Variants in RNF157 observed in about 807,000 individuals in gnomAD.
The protein encoded by RNF157 is ring finger protein 157.
A neutral mutation model predicts 88.3 loss-of-function variants in RNF157; 55 were observed. The observed-to-expected ratio is 0.62, with a 90% CI of 0.50 to 0.78. The LOEUF (loss-of-function observed/expected upper bound fraction) is 0.78, where lower values mean the gene tolerates loss of function less well. Ranked by LOEUF, RNF157 falls within the 30% of genes least tolerant of loss-of-function variation. The pLI, the probability that RNF157 is intolerant of heterozygous loss-of-function variation, is 0.00. For synonymous variants in RNF157, 334 were observed against 341.2 expected (o/e 0.98, Z 0.23); for missense variants, 788 against 860.8 (o/e 0.92, Z 1.06).
intron 2 of RNF157, among the ~76,000 whole-genome samples, chr17:76,203,861 G>A (rs1269147355): frequency 4.7e-5 from 7 of 148,122 alleles, no homozygotes; most frequent in Admixed American, 4.1e-4. Context: ...TCCGCCACCC[G>A]GGTTCACGCC....
Position 76,161,897 on chromosome 17 carries a change from T to C in RNF157, c.898A>G (p.Thr300Ala), listed in dbSNP as rs1258450465. Residue 300 changes from threonine (T) to alanine (A), a missense_variant, in exon 10 of 19, where the codon ACC becomes GCC. Physicochemically the swap from Thr to Ala is moderately conservative, Grantham distance 58. Transcript: ENST00000269391. This position sits in a 1 kb window ranked among gnomAD's most constrained non-coding sequence, Gnocchi z 4.6. ...LPCRHLCLCN[T>A]CADTLRYQAN... Reference sequence around the variant, plus strand: ...TGGTAGCGCAGCGTGTCTGCACAGGTGTTACAGAGGCAGAGGTGGCGACAG... The same window carrying C: ...TGGTAGCGCAGCGTGTCTGCACAGGCGTTACAGAGGCAGAGGTGGCGACAG... 3.7e-6 allele frequency: 6 copies of C among 1,614,074 alleles called. No homozygotes were observed. In the African/African-American group the frequency reaches 6.7e-5, roughly 18 times the overall value.
chr17:76,163,961 A>G (rs2068883875), intron 8 of RNF157: 1 of 152,252 alleles, frequency 6.6e-6, no homozygotes. Context: ...TCATTAAAAG[A>G]GAGGCGAGTA....
Position 76,177,101 on chromosome 17 carries a change from T to C in RNF157, c.208-3311A>G, listed in dbSNP as rs376301198. Among the ~76,000 whole-genome samples the C allele has an allele frequency of 3.3e-5, 5 of 152,156 alleles. No individual in the cohort carries two copies. The East Asian group carries it at 5.8e-4, about 18-fold the overall frequency. ...GCACCGGGGGAACAGGCAGAGCTCA[T>C]GGCGATGTCACCCTGCCCTGGACAC... On this transcript the variant is annotated intron_variant, in intron 2 of 18. Coordinates refer to ENST00000269391, the MANE Select transcript of RNF157 (RefSeq NM_052916.3).
At chr17:76,212,541 T>TA (rs35372072) in intron 1 of RNF157, 59 bp from the exon 2 acceptor site, 271,317 of 847,644 alleles carry the variant, frequency 0.32, 13,317 homozygotes, top group East Asian at 0.43. Context: ...CTAAATCTAG[T>TA]AAAAAAAAAA....
intron 18 of RNF157, chr17:76,145,627 C>A (rs778052954): frequency 7.8e-6 from 3 of 384,682 alleles, no homozygotes; most frequent in Admixed American, 4.6e-5. Flanking sequence ...CCTTGTTTTG[C>A]GAACTTACCC....
At chr17:76,163,831 A>G (rs1005086010) in intron 8 of RNF157, 4 of 152,234 alleles carry the variant, frequency 2.6e-5, no homozygotes, top group African/African-American at 9.6e-5. Flanking sequence ...TGGCCTGCCC[A>G]GGTAGTGCCC....
At chr17:76,215,720 C>T (rs945672956) in intron 1 of RNF157, among the ~76,000 whole-genome samples, 1 of 152,056 alleles carries the variant, frequency 6.6e-6, no homozygotes, top group Non-Finnish European at 1.5e-5. Flanking sequence ...AATCACTCAC[C>T]ACAAAGTGAG....
At chr17:76,187,696 C>T (rs770184306) in intron 2 of RNF157, among the ~76,000 whole-genome samples, 2 of 151,998 alleles carry the variant, frequency 1.3e-5, no homozygotes, top group African/African-American at 2.4e-5. Context: ...GGGGTTCAAG[C>T]GACTCTCCTG....
chr17:76,236,704 G>T (rs1407355203), intron 1 of RNF157, among the ~76,000 whole-genome samples: 1 of 151,818 alleles, frequency 6.6e-6, no homozygotes, highest in Non-Finnish European at 1.5e-5. Context: ...GTAAGATACT[G>T]AAAAAACAAC....
rs985245087 is a variant in RNF157 at position 76,161,529 on chromosome 17, A to G, written c.1065+6T>C. On this transcript the variant is annotated splice_donor_region_variant and intron_variant, in intron 11 of 18. Coordinates refer to ENST00000269391, the MANE Select transcript of RNF157 (RefSeq NM_052916.3). The surrounding 1 kb of genome is among the most constrained non-coding windows in gnomAD (Gnocchi z 4.6). ...CAGAGGGGCCGTGGTTCCGAGCCCA[A>G]CTTACTGGATGCTCTTCAGAGTCAG... The G allele has an allele frequency of 6.2e-6, 10 of 1,611,650 alleles. No individual in the cohort carries two copies. The African/African-American group carries it at 1.1e-4, about 17-fold the overall frequency.
chr17:76,152,453 C>T lies in RNF157; in HGVS notation c.1823G>A (p.Cys608Tyr). The T allele has an allele frequency of 6.2e-7, 1 of 1,611,888 alleles. No individual in the cohort carries two copies. The highest frequency in any genetic ancestry group is 8.5e-7 in the Non-Finnish European group (1 of 1,177,936). ...GTCACACTCCATACCTAGAAATGCG[C>T]ACGTCCTCTGGCCTGTAACGGAGTT... ...GSPTQEGQRT[C>Y]AFLGMECDNN... The change falls in exon 18 of 19, where the codon TGC becomes TAC. Residue 608 changes from cysteine (C) to tyrosine (Y), a missense_variant. Coordinates refer to ENST00000269391, the MANE Select transcript of RNF157 (RefSeq NM_052916.3).
intron 2 of RNF157, chr17:76,175,881 G>T: frequency 1.5e-6 from 1 of 654,284 alleles, no homozygotes; most frequent in Non-Finnish European, 1.9e-6. Context: ...CCTCCATTTT[G>T]AATATATTTG....
rs143845436 is a variant in RNF157 at position 76,227,529 on chromosome 17, A to G, written c.88+12624T>C. On this transcript the variant is annotated intron_variant, in intron 1 of 18. Transcript: ENST00000269391. ...TGTTGCTATTTTCTTTTCATTTTAT[A>G]GAAGAGGAAACTAATGCACAGAGGT... Among the ~76,000 whole-genome samples the G allele has an allele frequency of 2.0e-5, 3 of 152,234 alleles. 1 individual carries two copies. The East Asian group carries it at 5.8e-4, about 29-fold the overall frequency.
chr17:76,234,207 A>C (rs1405733664), intron 1 of RNF157, among the ~76,000 whole-genome samples: 2 of 152,224 alleles, frequency 1.3e-5, no homozygotes, highest in Non-Finnish European at 2.9e-5. Context: ...GCACATATCA[A>C]ATCTTCATTC....
chr17:76,225,528 T>C (rs1168021231), intron 1 of RNF157, among the ~76,000 whole-genome samples: 1 of 152,190 alleles, frequency 6.6e-6, no homozygotes, highest in African/African-American at 2.4e-5. Flanking sequence ...AATGGACTAT[T>C]TGAATGCACA....
intron 1 of RNF157, among the ~76,000 whole-genome samples, chr17:76,235,852 T>C (rs1315462492): frequency 1.3e-5 from 2 of 152,004 alleles, no homozygotes; most frequent in African/African-American, 4.8e-5. Context: ...CTACAAAAAC[T>C]TTAAACATTA....
intron 1 of RNF157, among the ~76,000 whole-genome samples, chr17:76,216,550 C>T (rs1451758749): frequency 6.7e-6 from 1 of 148,228 alleles, no homozygotes; most frequent in Non-Finnish European, 1.5e-5. Context: ...AGCTCAAGAC[C>T]AGCCTAGGCA....
rs556828227 is a variant in RNF157, at chr17:76,149,990, G to A, written c.1921+2365C>T. On this transcript the variant is annotated intron_variant, in intron 18 of 18. Transcript: ENST00000269391. ...GGAGGTTGCAGTGAGCCGAGATCGC[G>A]CCACTGCACTCCAGGCTGGGCGACA... 5.3e-5 allele frequency among the ~76,000 whole-genome samples: 8 copies of A among 152,068 alleles called. No homozygotes were observed. In the East Asian group the frequency reaches 5.8e-4, roughly 11 times the overall value.
chr17:76,146,923 A>AT lies in RNF157; in HGVS notation c.1922-1571_1922-1570insA. On this transcript the variant is annotated intron_variant, in intron 18 of 18. Transcript: ENST00000269391. The surrounding 1 kb of genome is among the most constrained non-coding windows in gnomAD (Gnocchi z 4.2). ...GACATGAAACCCTTTAATGGCATGT[A>AT]GAGTCAACAGGTATAAATGGCTTAT... is the stretch of plus-strand genomic sequence containing the variant. 2 of 985,446 alleles carry AT rather than the reference A, an allele frequency of 2.0e-6. No homozygotes were observed. The highest frequency in any genetic ancestry group is 2.4e-6 in the Non-Finnish European group (2 of 829,918). The allele number at this position is 985,446 out of a possible 1,614,324, so 61.0% of individuals were successfully genotyped here.
Sources: gnomAD v4.1 joint callset for allele counts (sites outside exome capture counted in the v4.1 genomes callset) on GRCh38, gnomAD v4.1.1 for gene constraint, Gnocchi (gnomAD v3.1) non-coding constraint, MANE v1.5 for transcripts, NCBI Gene and HGNC (gene_info 2026-07-23, HGNC 2026-07-21) for gene names.